The following DYRK3 variants were observed in gnomAD, a reference collection of about 807,000 sequenced individuals.
DYRK3 encodes dual specificity tyrosine phosphorylation regulated kinase 3.
A neutral mutation model predicts 40.8 loss-of-function variants in DYRK3; 30 were observed. That is an observed-to-expected ratio of 0.74 (90% confidence interval 0.55 to 1.00). The LOEUF is 1.00. Among genes scored for constraint, DYRK3 ranks in the 50% least tolerant of loss-of-function variants. DYRK3 has a pLI of 0.00. For synonymous variants in DYRK3, 272 were observed against 260.7 expected, an observed-to-expected ratio of 1.04 and a Z score of -0.42; for missense variants, 699 against 731.5, an observed-to-expected ratio of 0.96 and a Z score of 0.51.
chr1:206,635,866 A>G, intron 1 of DYRK3, 86 bp downstream of exon 1: 2 of 1,245,544 alleles, frequency 1.6e-6, no homozygotes, highest in Non-Finnish European at 2.0e-6. Context: ...GGGAGGAGGT[A>G]GAGTGAGCCC....
In DYRK3 at chr1:206,635,676, C is replaced by G. The variant is rs1553418155; in HGVS notation, c.-28C>G. The G allele has an allele frequency of 2.4e-6, 3 of 1,245,544 alleles. No individual in the cohort carries two copies. The highest frequency in any genetic ancestry group is 3.0e-6 in the Non-Finnish European group (3 of 989,286). 77.2% of individuals were successfully genotyped at this position (1,245,544 alleles called of 1,614,324 possible). A position where few individuals can be genotyped will look rare whatever the true frequency, so the allele number is the denominator to read the frequency against. On this transcript the variant is annotated 5_prime_UTR_variant, in exon 1 of 3. Transcript: ENST00000367109. ...CCGACCGGACCCCCAACTGGCGCCTCTCCCCGCGCGGGGTCCCGAGCTAGG... is the reference window on the plus strand; with the variant it reads ...CCGACCGGACCCCCAACTGGCGCCTGTCCCCGCGCGGGGTCCCGAGCTAGG...
chr1:206,639,979 G>GGCT (rs1553419089), intron 2 of DYRK3, among the ~76,000 whole-genome samples: 1 of 136,742 alleles, frequency 7.3e-6, no homozygotes. Flanking sequence ...CTCTCGCCCA[G>GGCT]GCTGGAGTGC....
In DYRK3 at chr1:206,648,689, G is replaced by A; in HGVS notation, c.1491G>A (p.Glu497=). 6.2e-7 allele frequency: 1 copy of A among 1,614,018 alleles called. No homozygotes were observed. The highest frequency in any genetic ancestry group is 8.5e-7 in the Non-Finnish European group (1 of 1,179,960). The change falls in exon 3 of 3, where the codon GAG becomes GAA. Residue 497 remains glutamate (E), a synonymous_variant. Coordinates refer to ENST00000367109, the MANE Select transcript of DYRK3 (RefSeq NM_003582.4). ...GGTGTGATGACTACTTGTTTATAGA[G>A]TTCTTGAAAAGGTGTCTTCACTGGG... ...LKGCDDYLFI[E]FLKRCLHWDP...
In DYRK3 at chr1:206,650,533, C is replaced by T. The variant is rs937533773; in HGVS notation, c.*1568C>T. Among the ~76,000 whole-genome samples the T allele has an allele frequency of 1.3e-5, 2 of 152,342 alleles. No homozygotes were observed. The highest frequency in any genetic ancestry group is 1.9e-4 in the East Asian group (1 of 5,192). ...CTCCAGCCTAGGCAACAGAGTGAGA[C>T]TCTGTCTAAAAAACAAACCAAAAAA... On this transcript the variant is annotated 3_prime_UTR_variant, in exon 3 of 3. Coordinates refer to ENST00000367109, the MANE Select transcript of DYRK3 (RefSeq NM_003582.4).
At chr1:206,642,752 A>T (rs1369028207) in intron 2 of DYRK3, among the ~76,000 whole-genome samples, 2 of 152,044 alleles carry the variant, frequency 1.3e-5, no homozygotes, top group Admixed American at 6.6e-5. Context: ...ACGGTGGGGA[A>T]CATCACACAC....
rs1380853060 is a variant in DYRK3, at chr1:206,653,820, A to G, written c.*4855A>G. Among the ~76,000 whole-genome samples, 1 of 152,244 alleles carries G rather than the reference A, an allele frequency of 6.6e-6. No individual in the cohort carries two copies. The highest frequency in any genetic ancestry group is 2.4e-5 in the African/African-American group (1 of 41,470). ...CCCAGAGGAAGTTTGACTTATGACC[A>G]TATTAGTATGCTTTATTCCTTGGTG... On this transcript the variant is annotated 3_prime_UTR_variant, in exon 3 of 3. Transcript: ENST00000367109.
Position 206,649,012 on chromosome 1 carries a change from C to T in DYRK3, c.*47C>T. On this transcript the variant is annotated 3_prime_UTR_variant, in exon 3 of 3. Coordinates refer to ENST00000367109, the MANE Select transcript of DYRK3 (RefSeq NM_003582.4). ...ATGCATATGTGTATATTTTTATGATCTTACAAACCTGCAAATGGAAAAAAT... is the reference window on the plus strand; with the variant it reads ...ATGCATATGTGTATATTTTTATGATTTTACAAACCTGCAAATGGAAAAAAT... 1 of 1,501,012 alleles carries T rather than the reference C, an allele frequency of 6.7e-7. No individual in the cohort carries two copies. Among genetic ancestry groups the T allele is most frequent in the Non-Finnish European group, 8.9e-7 (1 of 1,125,586 alleles). The allele number at this position is 1,501,012 out of a possible 1,614,324, so 93.0% of individuals were successfully genotyped here.
intron 2 of DYRK3, among the ~76,000 whole-genome samples, chr1:206,640,285 T>A (rs1671250020): frequency 1.3e-5 from 2 of 152,170 alleles, no homozygotes; most frequent in Non-Finnish European, 2.9e-5. Flanking sequence ...AAATGCCTTT[T>A]GACCTCTTGG....
Position 206,650,239 on chromosome 1 carries a change from C to T in DYRK3, c.*1274C>T, listed in dbSNP as rs1308921062. 6.6e-6 allele frequency among the ~76,000 whole-genome samples: 1 copy of T among 152,192 alleles called. No homozygotes were observed. Among genetic ancestry groups the T allele is most frequent in the Non-Finnish European group, 1.5e-5 (1 of 68,040 alleles). ...TCCCTTGCTCTATTTCTGTCCTCTTCCAGAACAAAAGTATGCTCAAGTTCT... is the reference window on the plus strand; with the variant it reads ...TCCCTTGCTCTATTTCTGTCCTCTTTCAGAACAAAAGTATGCTCAAGTTCT... On this transcript the variant is annotated 3_prime_UTR_variant, in exon 3 of 3. Transcript: ENST00000367109.
At chr1:206,644,079 G>A (rs1194906672) in intron 2 of DYRK3, among the ~76,000 whole-genome samples, 1 of 129,024 alleles carries the variant, frequency 7.8e-6, no homozygotes, top group Non-Finnish European at 1.6e-5. Flanking sequence ...CTGTCGCCCA[G>A]GATAGAGTGC....
rs201145779 is a variant in DYRK3, at chr1:206,635,853, G to T, written c.77+73G>T. Reference sequence around the variant, plus strand: ...TGGCGCTGGCAAGCGAAGCTTGGGGGTGGGGAGGAGGTAGAGTGAGCCCTC... The same window carrying T: ...TGGCGCTGGCAAGCGAAGCTTGGGGTTGGGGAGGAGGTAGAGTGAGCCCTC... On this transcript the variant is annotated intron_variant, in intron 1 of 2. Coordinates refer to ENST00000367109, the MANE Select transcript of DYRK3 (RefSeq NM_003582.4). 1.9e-4 allele frequency: 240 copies of T among 1,240,972 alleles called. No individual in the cohort carries two copies. The African/African-American group carries it at 3.5e-3, about 18-fold the overall frequency. 76.9% of individuals were successfully genotyped at this position (1,240,972 alleles called of 1,614,324 possible).
intron 2 of DYRK3, among the ~76,000 whole-genome samples, chr1:206,644,003 G>A (rs1671371631): frequency 6.7e-6 from 1 of 150,302 alleles, no homozygotes; most frequent in Non-Finnish European, 1.5e-5. Flanking sequence ...AAGAAACTGA[G>A]GCTCAGGAAG....
rs1553420909 is a variant in DYRK3, at chr1:206,648,909, T to C, written c.1711T>C (p.Ser571Pro). Residue 571 changes from serine to proline, a missense_variant, in exon 3 of 3, where the codon TCA (serine) becomes CCA (proline). Ser to Pro is a moderately conservative substitution (Grantham distance 74). Coordinates refer to ENST00000367109, the MANE Select transcript of DYRK3 (RefSeq NM_003582.4). ...CAATAAGCTTAAAGCTAACTTAATGTCAGAAACCAATGGTAGTATACCCCT... is the reference window on the plus strand; with the variant it reads ...CAATAAGCTTAAAGCTAACTTAATGCCAGAAACCAATGGTAGTATACCCCT... Reference protein sequence around the residue: ...IANKLKANLMSETNGSIPLCS... With the variant: ...IANKLKANLMPETNGSIPLCS... 2 of 1,614,158 alleles carry C rather than the reference T, an allele frequency of 1.2e-6. No homozygotes were observed. The highest frequency in any genetic ancestry group is 1.1e-5 in the South Asian group (1 of 91,084).
intron 1 of DYRK3, among the ~76,000 whole-genome samples, chr1:206,637,283 A>G (rs1324445914): frequency 6.6e-6 from 1 of 152,178 alleles, no homozygotes; most frequent in Non-Finnish European, 1.5e-5. Context: ...TTGAGAAACT[A>G]TTACCTCTGT....
chr1:206,635,798 T>C lies in DYRK3; in HGVS notation c.77+18T>C. Reference sequence around the variant, plus strand: ...CAGCGGAGGTAACGGCGCCACGGGGTAACGGGCTGGAGGCGCCACAGGGAG... The same window carrying C: ...CAGCGGAGGTAACGGCGCCACGGGGCAACGGGCTGGAGGCGCCACAGGGAG... On this transcript the variant is annotated intron_variant, in intron 1 of 2. Transcript: ENST00000367109. 1 of 1,242,746 alleles carries C rather than the reference T, an allele frequency of 8.0e-7. No individual in the cohort carries two copies. The allele number at this position is 1,242,746 out of a possible 1,614,324, so 77.0% of individuals were successfully genotyped here. A position where few individuals can be genotyped will look rare whatever the true frequency, so the allele number is the denominator to read the frequency against.
At chr1:206,642,076 T>C (rs1671305982) in intron 2 of DYRK3, among the ~76,000 whole-genome samples, 1 of 150,212 alleles carries the variant, frequency 6.7e-6, no homozygotes, top group African/African-American at 2.5e-5. Flanking sequence ...TTAAACAAAT[T>C]TACAAGAAAA....
At chr1:206,640,015 A>G (rs1553419101) in intron 2 of DYRK3, among the ~76,000 whole-genome samples, 2 of 143,592 alleles carry the variant, frequency 1.4e-5, no homozygotes, top group African/African-American at 5.2e-5. Context: ...GCTTGCTGCA[A>G]CCTCCATCTC....
At position 206,655,057 on chromosome 1, in the gene DYRK3, T is replaced by C. The variant is rs1487604702; in HGVS notation, c.*6092T>C. ...ATTCTGTCCATTGTCCGTTTGAGTC[T>C]GCTGACATGCTTCCTCTGGAAAGTG... On this transcript the variant is annotated 3_prime_UTR_variant, in exon 3 of 3. Coordinates refer to ENST00000367109, the MANE Select transcript of DYRK3 (RefSeq NM_003582.4). 6.6e-6 allele frequency among the ~76,000 whole-genome samples: 1 copy of C among 152,266 alleles called. No individual in the cohort carries two copies. The highest frequency in any genetic ancestry group is 1.9e-4 in the East Asian group (1 of 5,206).
Position 206,654,202 on chromosome 1 carries a change from G to A in DYRK3, c.*5237G>A, listed in dbSNP as rs1049188510. ...CATCTGTTATTGATGTCATCAACAC[G>A]GAAGTTGGAAAGGTGACAATGATTG... On this transcript the variant is annotated 3_prime_UTR_variant, in exon 3 of 3. Transcript: ENST00000367109. Among the ~76,000 whole-genome samples the A allele has an allele frequency of 3.3e-5, 5 of 152,110 alleles. No individual in the cohort carries two copies. The highest frequency in any genetic ancestry group is 7.3e-5 in the Non-Finnish European group (5 of 68,030).
Sources: gnomAD v4.1 joint callset for allele counts (sites outside exome capture counted in the v4.1 genomes callset) on GRCh38, gnomAD v4.1.1 for gene constraint, MANE v1.5 for transcripts, NCBI Gene and HGNC (gene_info 2026-07-23, HGNC 2026-07-21) for gene names.